The following SCNN1B variants were observed in gnomAD, a reference collection of about 807,000 sequenced individuals.
SCNN1B encodes sodium channel epithelial 1 subunit beta, also known as epithelial sodium channel subunit beta.
SCNN1B carries 46 observed loss-of-function variants against 65.3 expected under a neutral mutation model. That is an observed-to-expected ratio of 0.70 (90% CI 0.56 to 0.90). SCNN1B has a LOEUF of 0.90. Among genes scored for constraint, SCNN1B ranks in the 40% least tolerant of loss-of-function variants. The pLI is 0.00. For missense variants in SCNN1B, 751 were observed against 830.5 expected (o/e 0.90, Z 1.18); for synonymous variants, 349 against 330.6 (o/e 1.06, Z -0.60).
intron 1 of SCNN1B, among the ~76,000 whole-genome samples, chr16:23,346,200 C>CTTTT (rs753802362): frequency 0.011 from 836 of 77,894 alleles, 126 homozygotes; most frequent in South Asian, 0.051. Flanking sequence ...TTTTCCTTTT[C>CTTTT]TTTTTTTTTT....
At chr16:23,322,544 C>T (rs1227863658) in intron 1 of SCNN1B, among the ~76,000 whole-genome samples, 1 of 152,060 alleles carries the variant, frequency 6.6e-6, no homozygotes, top group African/African-American at 2.4e-5. Context: ...TTCCTGGCCT[C>T]AAGTGATCCT....
chr16:23,278,510 A>G (rs993743618), intron 1 of SCNN1B, among the ~76,000 whole-genome samples: 2 of 151,992 alleles, frequency 1.3e-5, no homozygotes, highest in African/African-American at 2.4e-5. Flanking sequence ...AAATGTCCAG[A>G]ATAGGTAAAT....
At chr16:23,309,100 A>G (rs1179054914) in intron 1 of SCNN1B, among the ~76,000 whole-genome samples, 1 of 152,172 alleles carries the variant, frequency 6.6e-6, no homozygotes, top group Non-Finnish European at 1.5e-5. Flanking sequence ...AGATAAAGGC[A>G]TGTCCCTCTC....
chr16:23,293,137 A>G (rs1326062280), intron 2 of SCNN1B, among the ~76,000 whole-genome samples: 2 of 147,812 alleles, frequency 1.4e-5, no homozygotes, highest in African/African-American at 5.2e-5. Context: ...AAAAAAAAAA[A>G]AAAAAGTGAG....
At position 23,375,847 on chromosome 16, in the gene SCNN1B, C is replaced by A. The variant is rs1962882597; in HGVS notation, c.1262C>A (p.Pro421Gln). ...GEKYCNNRDF[P>Q]DWAHCYSDLQ... Reference sequence around the variant, plus strand: ...AAATACTGCAACAACCGGGACTTCCCAGACTGGGGTGAGCGGGGGCACGGG... The same window carrying A: ...AAATACTGCAACAACCGGGACTTCCAAGACTGGGGTGAGCGGGGGCACGGG... The change falls in exon 8 of 13, where the codon CCA becomes CAA. Residue 421 changes from proline to glutamine, a missense_variant. Physicochemically the swap from Pro to Gln is moderately conservative, Grantham distance 76. Coordinates refer to ENST00000343070, the MANE Select transcript of SCNN1B (RefSeq NM_000336.3). The A allele has an allele frequency of 1.9e-6, 3 of 1,609,526 alleles. No homozygotes were observed.
chr16:23,300,461 G>A (rs563874504), upstream of SCNN1B, among the ~76,000 whole-genome samples: 140 of 152,094 alleles, frequency 9.2e-4, no homozygotes, highest in Non-Finnish European at 1.7e-3. Flanking sequence ...CGAGAATCCA[G>A]CTGTCTCTTA....
intron 1 of SCNN1B, among the ~76,000 whole-genome samples, chr16:23,279,380 G>A (rs750070782): frequency 8.5e-5 from 13 of 152,188 alleles, no homozygotes; most frequent in Admixed American, 3.3e-4. Context: ...ACGCCCAGCC[G>A]TGGTCTGAAA....
chr16:23,346,919 T>TC (rs1962202728), intron 1 of SCNN1B, among the ~76,000 whole-genome samples: 1 of 152,026 alleles, frequency 6.6e-6, no homozygotes, highest in African/African-American at 2.4e-5. Context: ...GCTGTAATTA[T>TC]CCCCATTTTA....
chr16:23,296,153 CAGG>C (rs910452196), intron 2 of SCNN1B, among the ~76,000 whole-genome samples: 3 of 152,036 alleles, frequency 2.0e-5, no homozygotes, highest in Non-Finnish European at 4.4e-5. Context: ...CCAGACGTAC[CAGG>C]AGTAGAGGCC....
At chr16:23,311,442 G>T (rs1400839841) in intron 1 of SCNN1B, among the ~76,000 whole-genome samples, 2 of 152,170 alleles carry the variant, frequency 1.3e-5, no homozygotes, top group Admixed American at 6.5e-5. Flanking sequence ...CCCAAAACTA[G>T]CTTTGTCTCA....
intron 5 of SCNN1B, among the ~76,000 whole-genome samples, chr16:23,371,070 G>T (rs967107638): frequency 1.3e-5 from 2 of 152,218 alleles, no homozygotes; most frequent in Admixed American, 6.5e-5. Context: ...GATCACGGGA[G>T]GCAAGAGACA....
Position 23,380,309 on chromosome 16 carries a change from A to T in SCNN1B, c.1543-112A>T, listed in dbSNP as rs3743966. The T allele has an allele frequency of 0.25, 383,241 of 1,553,996 alleles. 48,898 individuals carry two copies. The highest frequency in any genetic ancestry group is 0.37 in the Admixed American group (22,041 of 58,892). ...TCCCAAGTTATTCCCCTGGGCCAAG[A>T]TGGTCACCCCCTCCCGTTCCCACCC... On this transcript the variant is annotated intron_variant, in intron 12 of 12. Coordinates refer to ENST00000343070, the MANE Select transcript of SCNN1B (RefSeq NM_000336.3). This position sits in a 1 kb window ranked among gnomAD's most constrained non-coding sequence, Gnocchi z 5.4.
Position 23,380,251 on chromosome 16 carries a change from C to G in SCNN1B, c.1542+82C>G, listed in dbSNP as rs1963013151. 6.7e-7 allele frequency: 1 copy of G among 1,503,032 alleles called. No individual in the cohort carries two copies. The highest frequency in any genetic ancestry group is 9.3e-7 in the Non-Finnish European group (1 of 1,079,476). The allele number at this position is 1,503,032 out of a possible 1,614,324, so 93.1% of individuals were successfully genotyped here. ...TGAGGGTGGGGGAAGGGTTCTGAGCCCTATGAAGGAATTAGGAAGATCCCT... is the reference window on the plus strand; with the variant it reads ...TGAGGGTGGGGGAAGGGTTCTGAGCGCTATGAAGGAATTAGGAAGATCCCT... On this transcript the variant is annotated intron_variant, in intron 12 of 12. Transcript: ENST00000343070. This position sits in a 1 kb window ranked among gnomAD's most constrained non-coding sequence, Gnocchi z 5.4.
At chr16:23,304,257 A>ACACACACATG (rs926021150) in intron 1 of SCNN1B, among the ~76,000 whole-genome samples, 1 of 85,132 alleles carries the variant, frequency 1.2e-5, no homozygotes, top group African/African-American at 6.1e-5. Context: ...ATGCATGCAC[A>ACACACACATG]CACACACATG....
intron 1 of SCNN1B, among the ~76,000 whole-genome samples, chr16:23,341,174 T>C (rs1962047980): frequency 6.6e-6 from 1 of 152,148 alleles, no homozygotes; most frequent in Non-Finnish European, 1.5e-5. Context: ...TTCATTTAAA[T>C]GCTAAAACAT....
At chr16:23,353,107 G>C in intron 3 of SCNN1B, 33 bp downstream of exon 3, 1 of 1,611,906 alleles carries the variant, frequency 6.2e-7, no homozygotes, top group East Asian at 2.2e-5. Context: ...TCAAGCAATG[G>C]GCCCCACCCA....
At chr16:23,370,430 C>T (rs1313162156) in intron 5 of SCNN1B, among the ~76,000 whole-genome samples, 1 of 152,128 alleles carries the variant, frequency 6.6e-6, no homozygotes, top group Non-Finnish European at 1.5e-5. Flanking sequence ...TAATGAGGCC[C>T]TTAGCACATC....
intron 1 of SCNN1B, among the ~76,000 whole-genome samples, chr16:23,325,902 T>A (rs1961685437): frequency 8.0e-6 from 1 of 125,568 alleles, no homozygotes; most frequent in Non-Finnish European, 1.6e-5. Context: ...AATAAATAAA[T>A]AAATAAATAA....
chr16:23,291,647 T>C (rs1960926539), intron 2 of SCNN1B, among the ~76,000 whole-genome samples: 1 of 151,868 alleles, frequency 6.6e-6, no homozygotes, highest in Non-Finnish European at 1.5e-5. Flanking sequence ...AGATAATGGC[T>C]CACTGCACCC....
Sources: gnomAD v4.1 joint callset for allele counts (sites outside exome capture counted in the v4.1 genomes callset) on GRCh38, gnomAD v4.1.1 for gene constraint, Gnocchi (gnomAD v3.1) non-coding constraint, MANE v1.5 for transcripts, NCBI Gene and HGNC (gene_info 2026-07-23, HGNC 2026-07-21) for gene names.